The following ASPH variants were observed in gnomAD, a reference collection of about 807,000 sequenced individuals.
The protein encoded by ASPH is aspartate beta-hydroxylase, also known as aspartyl/asparaginyl beta-hydroxylase.
A neutral mutation model predicts 118.4 loss-of-function variants in ASPH; 100 were observed. The observed-to-expected ratio is 0.84, with a 90% CI of 0.72 to 1.00. The LOEUF (loss-of-function observed/expected upper bound fraction) is 1.00. Among genes scored for constraint, ASPH ranks in the 50% least tolerant of loss-of-function variants. The pLI, the probability that ASPH is intolerant of heterozygous loss-of-function variation, is 0.00. For missense variants in ASPH, 920 were observed against 919.5 expected, an observed-to-expected ratio of 1.00 and a Z score of -0.01; for synonymous variants, 315 against 325.6, an observed-to-expected ratio of 0.97 and a Z score of 0.35.
At chr8:61,543,571 T>A (rs1287413822) in intron 21 of ASPH, among the ~76,000 whole-genome samples, 1 of 152,234 alleles carries the variant, frequency 6.6e-6, no homozygotes, top group Non-Finnish European at 1.5e-5. Context: ...TAAAACATAC[T>A]GACGATAGCT....
At chr8:61,583,883 T>A in intron 15 of ASPH, 61 bp downstream of exon 15, 8 of 1,103,660 alleles carry the variant, frequency 7.2e-6, no homozygotes, top group Non-Finnish European at 1.1e-5. Context: ...TTTTAACAAA[T>A]CAAGAGTAAT....
intron 13 of ASPH, chr8:61,625,237 A>AAAAT: frequency 1.0e-6 from 1 of 985,824 alleles, no homozygotes. Context: ...AAATAAGAAG[A>AAAAT]AAATCTTCAG....
At chr8:61,585,142 GCAAA>G (rs1342672522) in intron 14 of ASPH, among the ~76,000 whole-genome samples, 2 of 152,182 alleles carry the variant, frequency 1.3e-5, no homozygotes, top group Admixed American at 1.3e-4. Context: ...TGCTTACTTA[GCAAA>G]CAGTTTTTGG....
chr8:61,592,622 A>T (rs560552964), intron 14 of ASPH, among the ~76,000 whole-genome samples: 3 of 152,360 alleles, frequency 2.0e-5, no homozygotes, highest in African/African-American at 7.2e-5. Context: ...GGGAAGGAAA[A>T]GTAAGACCAA....
At chr8:61,556,072 T>C (rs753209545) in intron 18 of ASPH, 50 bp from the exon 19 acceptor site, 1 of 1,532,374 alleles carries the variant, frequency 6.5e-7, no homozygotes, top group South Asian at 1.2e-5. Context: ...CATAGGTGAT[T>C]GCTTAGAAAA....
intron 17 of ASPH, among the ~76,000 whole-genome samples, chr8:61,563,331 G>A (rs1290430488): frequency 6.6e-6 from 1 of 152,182 alleles, no homozygotes; most frequent in Non-Finnish European, 1.5e-5. Flanking sequence ...ACATAGGACA[G>A]TACCTAACTG....
At chr8:61,548,524 T>C (rs1256488438) in intron 20 of ASPH, among the ~76,000 whole-genome samples, 2 of 152,212 alleles carry the variant, frequency 1.3e-5, no homozygotes, top group African/African-American at 4.8e-5. Context: ...CACTTATTTT[T>C]TGAATGAATA....
At chr8:61,592,146 TCCA>T (rs754609937) in intron 14 of ASPH, among the ~76,000 whole-genome samples, 33 of 152,292 alleles carry the variant, frequency 2.2e-4, no homozygotes, top group Admixed American at 8.5e-4. Context: ...TGTTTTTTCA[TCCA>T]CGAAATGGGG....
At chr8:61,664,589 G>GTACATACT (rs1818542605) in intron 3 of ASPH, 1 of 986,582 alleles carries the variant, frequency 1.0e-6, no homozygotes. Context: ...GAAGCATGCA[G>GTACATACT]GAGTGAGGGG....
chr8:61,691,397 C>T (rs1173241444), intron 1 of ASPH, among the ~76,000 whole-genome samples: 4 of 152,140 alleles, frequency 2.6e-5, no homozygotes, highest in Non-Finnish European at 5.9e-5. Context: ...GCGTCCTTTC[C>T]CCCATTATTT....
chr8:61,609,676 T>C (rs1846704362), intron 14 of ASPH, among the ~76,000 whole-genome samples: 1 of 152,120 alleles, frequency 6.6e-6, no homozygotes, highest in African/African-American at 2.4e-5. Context: ...GATTTTTAAG[T>C]GAAAAATATA....
chr8:61,666,209 A>G (rs1024551713), intron 3 of ASPH, among the ~76,000 whole-genome samples: 2 of 152,188 alleles, frequency 1.3e-5, no homozygotes, highest in Non-Finnish European at 2.9e-5. Context: ...TATATTCATC[A>G]TGAAATCAGT....
At chr8:61,684,321 T>C (rs968456577) in intron 1 of ASPH, 133 bp from the exon 2 acceptor site, 1 of 946,360 alleles carries the variant, frequency 1.1e-6, no homozygotes, top group Non-Finnish European at 1.5e-6. Flanking sequence ...CCAGTTAAAT[T>C]CTCAAAACAC....
intron 3 of ASPH, among the ~76,000 whole-genome samples, chr8:61,671,766 T>G (rs1822677943): frequency 6.6e-6 from 1 of 152,260 alleles, no homozygotes; most frequent in African/African-American, 2.4e-5. Context: ...TTTTGGCAAC[T>G]GCCTCAGGCC....
intron 1 of ASPH, among the ~76,000 whole-genome samples, chr8:61,697,275 T>C (rs1834141833): frequency 6.6e-6 from 1 of 152,244 alleles, no homozygotes; most frequent in Admixed American, 6.5e-5. Context: ...GGGAAAACTC[T>C]ATATTTTCTC....
intron 21 of ASPH, among the ~76,000 whole-genome samples, chr8:61,547,331 A>G (rs1302618283): frequency 6.6e-6 from 1 of 152,232 alleles, no homozygotes; most frequent in Non-Finnish European, 1.5e-5. Context: ...ATTTTCTAAC[A>G]ATATTTATAA....
chr8:61,534,177 C>T (rs1344184841), intron 21 of ASPH, among the ~76,000 whole-genome samples: 1 of 152,172 alleles, frequency 6.6e-6, no homozygotes, highest in Non-Finnish European at 1.5e-5. Context: ...GAATGCCCTA[C>T]CTCAGGTGAT....
chr8:61,598,485 T>C (rs552535287), intron 14 of ASPH, among the ~76,000 whole-genome samples: 3 of 152,308 alleles, frequency 2.0e-5, no homozygotes, highest in Non-Finnish European at 4.4e-5. Flanking sequence ...CATCCAGATA[T>C]ATAAAGCAAA....
At chr8:61,529,083 A>G (rs1816585103) in intron 21 of ASPH, among the ~76,000 whole-genome samples, 1 of 152,168 alleles carries the variant, frequency 6.6e-6, no homozygotes, top group African/African-American at 2.4e-5. Context: ...CAGTTTAGGG[A>G]TGATGAAATG....
Sources: gnomAD v4.1 joint callset for allele counts (sites outside exome capture counted in the v4.1 genomes callset) on GRCh38, gnomAD v4.1.1 for gene constraint, MANE v1.5 for transcripts, NCBI Gene and HGNC (gene_info 2026-07-23, HGNC 2026-07-21) for gene names.